MEIS2: variants seen among roughly 807,000 people sequenced by gnomAD.
MEIS2 encodes Meis homeobox 2.
Under a neutral mutation model 58.6 loss-of-function variants are expected in MEIS2, and 9 were observed. The observed-to-expected ratio is 0.15, with a 90% CI of 0.09 to 0.27. MEIS2 has a LOEUF of 0.27. Ranked by LOEUF, MEIS2 falls within the 10% of genes least tolerant of loss-of-function variation. The pLI is 1.00. For missense variants in MEIS2, 427 were observed against 635.0 expected (o/e 0.67, Z 3.52); for synonymous variants, 221 against 228.4 (o/e 0.97, Z 0.29).
At chr15:36,997,801 A>T (rs2060578397) in intron 8 of MEIS2, among the ~76,000 whole-genome samples, 1 of 152,148 alleles carries the variant, frequency 6.6e-6, no homozygotes, top group Non-Finnish European at 1.5e-5. Context: ...TCTTTACCAC[A>T]GGTGCCAAGG....
intron 8 of MEIS2, among the ~76,000 whole-genome samples, chr15:36,953,086 C>T (rs1212607176): frequency 1.3e-5 from 2 of 151,968 alleles, no homozygotes. Context: ...GACTGTTTAC[C>T]TCAAAGTGCT....
chr15:36,954,858 C>T (rs1441129117), intron 8 of MEIS2, among the ~76,000 whole-genome samples: 1 of 152,148 alleles, frequency 6.6e-6, no homozygotes, highest in African/African-American at 2.4e-5. Flanking sequence ...ATTATGATGA[C>T]CACTTCCTTT....
intron 9 of MEIS2, among the ~76,000 whole-genome samples, chr15:36,946,371 C>A (rs1229869171): frequency 6.6e-6 from 1 of 150,862 alleles, no homozygotes; most frequent in East Asian, 1.9e-4. Context: ...TTTGAAGCCA[C>A]TTACCTCCTA....
intron 8 of MEIS2, among the ~76,000 whole-genome samples, chr15:36,990,091 C>T (rs577422353): frequency 6.6e-6 from 1 of 152,188 alleles, no homozygotes; most frequent in East Asian, 1.9e-4. Context: ...ACTACAGGCG[C>T]CCGCCACCAC....
At chr15:36,900,157 T>C (rs538887216) in intron 9 of MEIS2, among the ~76,000 whole-genome samples, 1 of 152,360 alleles carries the variant, frequency 6.6e-6, no homozygotes, top group South Asian at 2.1e-4. Context: ...CAAAGTCTTC[T>C]TCAATATTAA....
In MEIS2 at chr15:36,893,660, T is replaced by C. The variant is rs528649291; in HGVS notation, c.1148-1201A>G. Among the ~76,000 whole-genome samples, 7 of 152,358 alleles carry C rather than the reference T, an allele frequency of 4.6e-5. No homozygotes were observed. The South Asian group carries it at 1.0e-3, about 23-fold the overall frequency. On this transcript the variant is annotated intron_variant, in intron 11 of 11. Coordinates refer to ENST00000561208, the MANE Select transcript of MEIS2 (RefSeq NM_170675.5). ...ATGTAATTAAATAGGCTAGAAATTA[T>C]ATGGCCTATATTAAGAACTATCCAA...
At chr15:37,002,450 A>G (rs887299040) in intron 8 of MEIS2, among the ~76,000 whole-genome samples, 1 of 152,038 alleles carries the variant, frequency 6.6e-6, no homozygotes, top group African/African-American at 2.4e-5. Flanking sequence ...TTCACATTTT[A>G]TCTCTCCTAC....
chr15:36,937,620 T>C (rs995312875), intron 9 of MEIS2, among the ~76,000 whole-genome samples: 2 of 152,200 alleles, frequency 1.3e-5, no homozygotes, highest in Non-Finnish European at 2.9e-5. Flanking sequence ...ATGGTCACTG[T>C]TGAAGCAAAT....
chr15:36,975,212 G>T (rs957770480), intron 8 of MEIS2, among the ~76,000 whole-genome samples: 3 of 152,140 alleles, frequency 2.0e-5, no homozygotes, highest in Non-Finnish European at 4.4e-5. Flanking sequence ...AACATTTTTA[G>T]TGTTTTATTT....
chr15:37,099,336 TG>T (rs1894815897), intron 1 of MEIS2, 118 bp downstream of exon 1: 3 of 1,565,078 alleles, frequency 1.9e-6, no homozygotes, highest in Non-Finnish European at 2.6e-6. Context: ...TTTAAAATAC[TG>T]GCCGCCATCA....
In MEIS2 at chr15:37,098,179, G is replaced by A; in HGVS notation, c.33C>T (p.Tyr11=). 5.0e-6 allele frequency: 8 copies of A among 1,605,394 alleles called. No homozygotes were observed. Among genetic ancestry groups the A allele is most frequent in the Admixed American group, 1.7e-5 (1 of 59,510 alleles). Residue 11 remains tyrosine (Y), a synonymous_variant, in exon 2 of 12, where the codon TAC becomes TAT. Coordinates refer to ENST00000561208, the MANE Select transcript of MEIS2 (RefSeq NM_170675.5). MAQRYDELPH[Y]GGMDGVGVPA... Reference sequence around the variant, plus strand: ...GAACCCCTACTCCGTCCATCCCGCCGTAATGGGGCAGCTCATCGTACTGTC... The same window carrying A: ...GAACCCCTACTCCGTCCATCCCGCCATAATGGGGCAGCTCATCGTACTGTC...
chr15:37,011,169 T>C (rs17527540), intron 8 of MEIS2, among the ~76,000 whole-genome samples: 15,408 of 151,726 alleles, frequency 0.1, 1,163 homozygotes, highest in Admixed American at 0.23. Context: ...GGATATTATA[T>C]CACACAGAGT....
At chr15:36,980,761 G>A (rs2059906006) in intron 8 of MEIS2, among the ~76,000 whole-genome samples, 2 of 151,960 alleles carry the variant, frequency 1.3e-5, no homozygotes, top group South Asian at 4.1e-4. Flanking sequence ...AATCCATTTT[G>A]TTTTCTCCCA....
intron 8 of MEIS2, among the ~76,000 whole-genome samples, chr15:36,979,759 T>C (rs1431039221): frequency 2.0e-5 from 3 of 147,356 alleles, no homozygotes; most frequent in South Asian, 2.1e-4. Flanking sequence ...ATATATAACA[T>C]ATATATATTA....
At chr15:36,990,331 C>A (rs2060230477) in intron 8 of MEIS2, among the ~76,000 whole-genome samples, 1 of 151,242 alleles carries the variant, frequency 6.6e-6, no homozygotes, top group Non-Finnish European at 1.5e-5. Flanking sequence ...TAAGTGAATC[C>A]ACACTTTGTT....
intron 8 of MEIS2, among the ~76,000 whole-genome samples, chr15:37,025,489 A>G (rs2061671830): frequency 6.6e-6 from 1 of 152,152 alleles, no homozygotes; most frequent in Admixed American, 6.5e-5. Context: ...TTATCAACAC[A>G]AAGAGTTAAC....
intron 8 of MEIS2, among the ~76,000 whole-genome samples, chr15:36,957,328 C>T (rs1230760114): frequency 6.6e-6 from 1 of 152,062 alleles, no homozygotes; most frequent in East Asian, 1.9e-4. Context: ...TTACAGCAAC[C>T]AAAGGCTGTG....
At chr15:37,005,050 C>T (rs11639421) in intron 8 of MEIS2, among the ~76,000 whole-genome samples, 136,337 of 152,216 alleles carry the variant, frequency 0.9, 63,031 homozygotes, top group East Asian at 1. Context: ...GTTGATTTTA[C>T]CTGATGTTCT....
chr15:36,964,434 T>C (rs900774591), intron 8 of MEIS2, among the ~76,000 whole-genome samples: 3 of 152,238 alleles, frequency 2.0e-5, no homozygotes, highest in African/African-American at 7.2e-5. Flanking sequence ...TCTTTACCGG[T>C]AATTCTCAAA....
Sources: allele counts gnomAD v4.1 joint callset (sites outside exome capture counted in the v4.1 genomes callset), GRCh38; gene constraint gnomAD v4.1.1; transcripts MANE v1.5; gene names NCBI Gene and HGNC (gene_info 2026-07-23, HGNC 2026-07-21).